The following STAC variants were observed in gnomAD, a reference collection of about 807,000 sequenced individuals.
STAC encodes SH3 and cysteine-rich domain-containing protein.
A neutral mutation model predicts 48.8 loss-of-function variants in STAC; 43 were observed. The ratio of observed to expected loss-of-function variants is 0.88; its 90% CI spans 0.69 to 1.14. The LOEUF (loss-of-function observed/expected upper bound fraction) is 1.14. Ranked by LOEUF, STAC falls within the 50% of genes most tolerant of loss-of-function variation. The probability of loss-of-function intolerance (pLI) is 0.00; values close to 1 mark genes in which losing one functional copy is unlikely to be tolerated. For synonymous variants in STAC, 193 were observed against 179.5 expected (o/e 1.07, Z -0.60); for missense variants, 497 against 504.0 (o/e 0.99, Z 0.13).
chr3:36,397,601 C>T (rs1016810647), intron 1 of STAC, among the ~76,000 whole-genome samples: 1 of 152,120 alleles, frequency 6.6e-6, no homozygotes, highest in Non-Finnish European at 1.5e-5. Flanking sequence ...TGCTTCTTCC[C>T]ATGAATACAA....
In STAC at chr3:36,387,585, A is replaced by G. The variant is rs74402520; in HGVS notation, c.111+6831A>G. On this transcript the variant is annotated intron_variant, in intron 1 of 10. Coordinates refer to ENST00000273183, the MANE Select transcript of STAC (RefSeq NM_003149.3). The stretch of plus-strand genomic sequence containing the variant: ...TTTACCATATAAGAGAAATCATATA[A>G]TATTTGTCCTTTTGTGATTGAATTA... Among the ~76,000 whole-genome samples the G allele has an allele frequency of 6.2e-3, 940 of 152,182 alleles. 6 individuals carry two copies. Among genetic ancestry groups the G allele is most frequent in the Middle Eastern group, 0.02 (6 of 294 alleles).
In STAC at chr3:36,486,245, C is replaced by A; in HGVS notation, c.683C>A (p.Thr228Asn). Residue 228 changes from threonine to asparagine, a missense_variant, in exon 5 of 11, where the codon ACC (threonine) becomes AAC (asparagine). Thr to Asn is a moderately conservative substitution (Grantham distance 65). Transcript: ENST00000273183. ...SGSGSDSPHR[T>N]STSDLVEVPE... is the part of the protein sequence containing the mutation. Reference sequence around the variant, plus strand: ...AGTGGCTCTGACTCACCTCACAGAACCTCTGTAATTATCCTCTTCCTTCCT... The same window carrying A: ...AGTGGCTCTGACTCACCTCACAGAAACTCTGTAATTATCCTCTTCCTTCCT... The A allele has an allele frequency of 3.1e-6, 5 of 1,613,104 alleles. No individual in the cohort carries two copies. The highest frequency in any genetic ancestry group is 3.4e-6 in the Non-Finnish European group (4 of 1,179,412).
rs192998204 is a variant in STAC at position 36,397,517 on chromosome 3, G to T, written c.111+16763G>T. Among the ~76,000 whole-genome samples the T allele has an allele frequency of 2.6e-5, 4 of 152,230 alleles. No homozygotes were observed. The East Asian group carries it at 5.8e-4, about 22-fold the overall frequency. ...AAAATGATCAAAATAAATGTGTCAT[G>T]AATATGTTGCATGAGACCAAAAAAA... is the stretch of plus-strand genomic sequence containing the variant. On this transcript the variant is annotated intron_variant, in intron 1 of 10. Transcript: ENST00000273183.
chr3:36,392,285 T>A (rs2125617498), intron 1 of STAC, among the ~76,000 whole-genome samples: 2 of 152,302 alleles, frequency 1.3e-5, no homozygotes, highest in East Asian at 3.9e-4. Flanking sequence ...ATCTTCTTTA[T>A]CCTCAAGTTC....
chr3:36,508,871 A>G (rs1386101565), intron 8 of STAC, among the ~76,000 whole-genome samples: 2 of 152,030 alleles, frequency 1.3e-5, no homozygotes, highest in Non-Finnish European at 2.9e-5. Flanking sequence ...TCTTTATCCA[A>G]TTTGCCAGTC....
At chr3:36,519,679 T>G (rs903786511) in intron 8 of STAC, among the ~76,000 whole-genome samples, 1 of 152,202 alleles carries the variant, frequency 6.6e-6, no homozygotes, top group Non-Finnish European at 1.5e-5. Flanking sequence ...TCACTCCGGT[T>G]AAAGGATAAT....
chr3:36,546,109 C>A, intron 10 of STAC, 82 bp from the exon 11 acceptor site: 1 of 1,147,018 alleles, frequency 8.7e-7, no homozygotes, highest in South Asian at 1.3e-5. Context: ...CAACCTCAGT[C>A]AGCAGGGATT....
chr3:36,541,756 G>T (rs906268904), intron 10 of STAC, among the ~76,000 whole-genome samples: 2 of 152,166 alleles, frequency 1.3e-5, no homozygotes, highest in Non-Finnish European at 2.9e-5. Flanking sequence ...ATGCTGAGGA[G>T]CTGGCCATAG....
chr3:36,498,861 T>C (rs1403570944), intron 6 of STAC, among the ~76,000 whole-genome samples: 1 of 152,148 alleles, frequency 6.6e-6, no homozygotes, highest in Non-Finnish European at 1.5e-5. Flanking sequence ...AATTTAGAAA[T>C]CTATACCTAG....
At chr3:36,543,749 GT>G (rs1342364121) in intron 10 of STAC, among the ~76,000 whole-genome samples, 1 of 152,072 alleles carries the variant, frequency 6.6e-6, no homozygotes, top group Admixed American at 6.5e-5. Context: ...GTCAGTCCAG[GT>G]TTTGTTTGTT....
At chr3:36,504,941 TATGAG>T (rs1044699545) in intron 7 of STAC, among the ~76,000 whole-genome samples, 169 of 152,142 alleles carry the variant, frequency 1.1e-3, no homozygotes, top group African/African-American at 4.0e-3. Flanking sequence ...TGCAACTATA[TATGAG>T]ATAATATATA....
chr3:36,511,195 TTG>T (rs1256998829), intron 8 of STAC, among the ~76,000 whole-genome samples: 1 of 152,116 alleles, frequency 6.6e-6, no homozygotes, highest in African/African-American at 2.4e-5. Context: ...ATCCTACTTG[TTG>T]TGTGACCTTA....
chr3:36,420,238 G>A (rs1175675473), intron 1 of STAC, among the ~76,000 whole-genome samples: 1 of 152,192 alleles, frequency 6.6e-6, no homozygotes, highest in Non-Finnish European at 1.5e-5. Flanking sequence ...AAAGTTCTAT[G>A]AACTGTATCT....
At chr3:36,444,721 A>G (rs1260287897) in intron 2 of STAC, among the ~76,000 whole-genome samples, 1 of 152,152 alleles carries the variant, frequency 6.6e-6, no homozygotes. Flanking sequence ...GGATACAGGG[A>G]GGGGTGGAAA....
intron 10 of STAC, among the ~76,000 whole-genome samples, chr3:36,543,266 T>G (rs528367363): frequency 6.6e-6 from 1 of 152,178 alleles, no homozygotes; most frequent in African/African-American, 2.4e-5. Context: ...TGCCATTGTT[T>G]CCTAAAATGG....
chr3:36,444,976 C>A (rs999176728), intron 2 of STAC, among the ~76,000 whole-genome samples: 46 of 152,328 alleles, frequency 3.0e-4, no homozygotes, highest in African/African-American at 1.1e-3. Context: ...CTGTGCCTGC[C>A]TGGCTTCTGA....
At chr3:36,490,245 C>A (rs542152032) in intron 5 of STAC, among the ~76,000 whole-genome samples, 61 of 152,292 alleles carry the variant, frequency 4.0e-4, no homozygotes, top group African/African-American at 1.2e-3. Context: ...CCTAACCCCA[C>A]GTACCACGTT....
chr3:36,541,323 A>C (rs573704963), intron 10 of STAC, among the ~76,000 whole-genome samples: 166 of 152,336 alleles, frequency 1.1e-3, no homozygotes, highest in African/African-American at 3.9e-3. Context: ...TACCTAAGTC[A>C]CATAGGATAG....
chr3:36,489,807 T>C (rs114543694), intron 5 of STAC, among the ~76,000 whole-genome samples: 2,665 of 152,278 alleles, frequency 0.018, 22 homozygotes, highest in Non-Finnish European at 0.021. Flanking sequence ...AATGAATGAA[T>C]GAGCACCCTC....
Sources: allele counts gnomAD v4.1 joint callset (sites outside exome capture counted in the v4.1 genomes callset), GRCh38; gene constraint gnomAD v4.1.1; transcripts MANE v1.5; gene names NCBI Gene and HGNC (gene_info 2026-07-23, HGNC 2026-07-21).